Variants in SFRP5 observed in about 807,000 individuals in gnomAD.
SFRP5 encodes secreted frizzled-related protein 5.
SFRP5 carries 22 observed loss-of-function variants against 27.0 expected under a neutral mutation model. The ratio of observed to expected loss-of-function variants is 0.82; its 90% CI spans 0.58 to 1.17. SFRP5 has a LOEUF of 1.17. Among genes scored for constraint, SFRP5 ranks in the 50% most tolerant of loss-of-function variants. SFRP5 has a pLI of 0.00. For synonymous variants in SFRP5, 171 were observed against 195.0 expected, an observed-to-expected ratio of 0.88 and a Z score of 1.03; for missense variants, 406 against 436.6, an observed-to-expected ratio of 0.93 and a Z score of 0.63.
At position 97,771,807 on chromosome 10, in the gene SFRP5, GC is replaced by G. The variant is rs757917063; in HGVS notation, c.26del (p.Gly9AlafsTer77). On this transcript the variant is annotated frameshift_variant, in exon 1 of 3. Coordinates refer to ENST00000266066, the MANE Select transcript of SFRP5 (RefSeq NM_003015.3). LOFTEE classifies it high-confidence loss of function. This position sits in a 1 kb window ranked among gnomAD's most constrained non-coding sequence, Gnocchi z 5.2. MRAAAAGG[G>X]VRTAALALLL... Reference sequence around the variant, plus strand: ...GCAGCGCCAGCGCGGCCGTCCGCACGCCCCCCCCCGCCGCCGCCGCCCGCAT... The same window carrying G: ...GCAGCGCCAGCGCGGCCGTCCGCACGCCCCCCCCGCCGCCGCCGCCCGCAT... 89 of 1,160,484 alleles carry G rather than the reference GC, an allele frequency of 7.7e-5. No homozygotes were observed. The highest frequency in any genetic ancestry group is 4.6e-4 in the Admixed American group (10 of 21,782). 71.9% of individuals were successfully genotyped at this position (1,160,484 alleles called of 1,614,324 possible). A position where few individuals can be genotyped will look rare whatever the true frequency, so the allele number is the denominator to read the frequency against.
chr10:97,767,922 G>A (rs1278131756), intron 2 of SFRP5, 62 bp from the exon 3 acceptor site: 1 of 1,292,286 alleles, frequency 7.7e-7, no homozygotes, highest in Non-Finnish European at 1.1e-6. Flanking sequence ...ATGCTGGTGG[G>A]CACAGAGTTG....
rs771411924 is a variant in SFRP5, at chr10:97,767,659, C to T, written c.809G>A (p.Arg270His). The part of the protein sequence containing the change: ...SLAGSFLVMG[R>H]KVDGQLLLMA... ...GAGCAGCAGCTGTCCATCCACTTTG[C>T]GGCCCATGACCAGGAAGCTGCCCGC... Residue 270 changes from arginine (R) to histidine (H), a missense_variant, in exon 3 of 3, where the codon CGC becomes CAC. Arg to His is a conservative substitution (Grantham distance 29). Coordinates refer to ENST00000266066, the MANE Select transcript of SFRP5 (RefSeq NM_003015.3). 9.9e-6 allele frequency: 16 copies of T among 1,613,988 alleles called. No homozygotes were observed. The highest frequency in any genetic ancestry group is 5.5e-5 in the South Asian group (5 of 91,084).
Position 97,771,693 on chromosome 10 carries a change from G to A in SFRP5, c.141C>T (p.Tyr47=). 1 of 1,599,362 alleles carries A rather than the reference G, an allele frequency of 6.3e-7. No homozygotes were observed. The highest frequency in any genetic ancestry group is 2.2e-5 in the East Asian group (1 of 44,840). ...WQAEPLHGRS[Y]SKPPQCLDIP... is the part of the protein sequence containing the mutation. ...TGTCAAGGCACTGCGGCGGCTTGGA[G>A]TAGGAGCGGCCGTGCAGCGGCTCGG... The change falls in exon 1 of 3, where the codon TAC becomes TAT. Residue 47 remains tyrosine, a synonymous_variant. Transcript: ENST00000266066. The surrounding 1 kb of genome is among the most constrained non-coding windows in gnomAD (Gnocchi z 5.2).
In SFRP5 at chr10:97,771,392, C is replaced by A. The variant is rs758309026; in HGVS notation, c.442G>T (p.Glu148Ter). The change falls in exon 1 of 3, where the codon GAG becomes TAG. Residue 148 changes from glutamate to a stop codon, truncating the protein, a stop_gained. Transcript: ENST00000266066. LOFTEE classifies it high-confidence loss of function. This position sits in a 1 kb window ranked among gnomAD's most constrained non-coding sequence, Gnocchi z 5.2. ...GGGAACTTGTGGCAGTGCAGCATCT[C>A]AGGCCAGGGGAAGCCGTAGGCCTCC... Reference protein sequence around the residue: ...LMEAYGFPWPEMLHCHKFPLD... With the variant: ...LMEAYGFPWP 4 of 1,612,756 alleles carry A rather than the reference C, an allele frequency of 2.5e-6. No individual in the cohort carries two copies. In the South Asian group the frequency reaches 4.4e-5, roughly 18 times the overall value.
In SFRP5 at chr10:97,767,823, A is replaced by G; in HGVS notation, c.645T>C (p.Asn215=). 1 of 1,535,274 alleles carries G rather than the reference A, an allele frequency of 6.5e-7. No homozygotes were observed. The highest frequency in any genetic ancestry group is 8.7e-7 in the Non-Finnish European group (1 of 1,145,654). Residue 215 remains asparagine, a synonymous_variant, in exon 3 of 3, where the codon AAT becomes AAC. Coordinates refer to ENST00000266066, the MANE Select transcript of SFRP5 (RefSeq NM_003015.3). ...GGGCTCCAATCAGCTTCCGGTCCCCATTCTCTATCTTGATCTCCTTGATGC... is the reference window on the plus strand; with the variant it reads ...GGGCTCCAATCAGCTTCCGGTCCCCGTTCTCTATCTTGATCTCCTTGATGC... The part of the protein sequence containing the change: ...KMRIKEIKIE[N]GDRKLIGAQK...
In SFRP5 at chr10:97,767,441, G is replaced by A. The variant is rs943875194; in HGVS notation, c.*73C>T. ...CGTGAAAACACCCTCCAGTAGGGCCGGGTCAGCCTGGAAGTTGGGGCGGGG... is the reference window on the plus strand; with the variant it reads ...CGTGAAAACACCCTCCAGTAGGGCCAGGTCAGCCTGGAAGTTGGGGCGGGG... On this transcript the variant is annotated 3_prime_UTR_variant, in exon 3 of 3. Transcript: ENST00000266066. 3.3e-5 allele frequency: 39 copies of A among 1,199,532 alleles called. No homozygotes were observed. Among genetic ancestry groups the A allele is most frequent in the Admixed American group, 9.0e-5 (4 of 44,420 alleles). The allele number at this position is 1,199,532 out of a possible 1,614,324, so 74.3% of individuals were successfully genotyped here. A position where few individuals can be genotyped will look rare whatever the true frequency, so the allele number is the denominator to read the frequency against.
In SFRP5 at chr10:97,767,525, C is replaced by G. The variant is rs748487883; in HGVS notation, c.943G>C (p.Glu315Gln). 6.2e-7 allele frequency: 1 copy of G among 1,605,106 alleles called. No individual in the cohort carries two copies. Among genetic ancestry groups the G allele is most frequent in the Non-Finnish European group, 8.5e-7 (1 of 1,175,090 alleles). The stretch of plus-strand genomic sequence containing the variant: ...AGGAGGAGTGCCCTTCAGTGGGGCT[C>G]TGCCGCCCCGTAGAAGAAAGGGTAG... ...LYYPFFYGAA[E>Q]PH The change falls in exon 3 of 3, where the codon GAG becomes CAG. Residue 315 changes from glutamate (E) to glutamine (Q), a missense_variant. Transcript: ENST00000266066.
rs1434465193 is a variant in SFRP5 at position 97,771,706 on chromosome 10, T to A, written c.128A>T (p.His43Leu). Residue 43 changes from histidine to leucine, a missense_variant, in exon 1 of 3, where the codon CAC becomes CTC. Transcript: ENST00000266066. The surrounding 1 kb of genome is among the most constrained non-coding windows in gnomAD (Gnocchi z 5.2). ...CGGCGGCTTGGAGTAGGAGCGGCCG[T>A]GCAGCGGCTCGGCCTGCCAGCCATA... ...DYYGWQAEPL[H>L]GRSYSKPPQC... The A allele has an allele frequency of 6.3e-7, 1 of 1,597,654 alleles. No homozygotes were observed. The highest frequency in any genetic ancestry group is 8.5e-7 in the Non-Finnish European group (1 of 1,179,340).
At position 97,771,933 on chromosome 10, in the gene SFRP5, G is replaced by T; in HGVS notation, c.-100C>A. Reference sequence around the variant, plus strand: ...GCGCCCCCGGCCCTGACTCTACCCAGCCGCCGCCGCCGCCGCCGCGGAGGT... The same window carrying T: ...GCGCCCCCGGCCCTGACTCTACCCATCCGCCGCCGCCGCCGCCGCGGAGGT... On this transcript the variant is annotated 5_prime_UTR_variant, in exon 1 of 3. In the 5' UTR this introduces an upstream ATG that the reference lacks. Coordinates refer to ENST00000266066, the MANE Select transcript of SFRP5 (RefSeq NM_003015.3). The surrounding 1 kb of genome is among the most constrained non-coding windows in gnomAD (Gnocchi z 5.2). The T allele has an allele frequency of 1.6e-6, 1 of 628,532 alleles. No individual in the cohort carries two copies. The highest frequency in any genetic ancestry group is 1.9e-6 in the Non-Finnish European group (1 of 536,526). The allele number at this position is 628,532 out of a possible 1,614,324, so 38.9% of individuals were successfully genotyped here.
intron 1 of SFRP5, among the ~76,000 whole-genome samples, chr10:97,770,378 T>C (rs1194819086): frequency 2.0e-5 from 3 of 152,132 alleles, no homozygotes; most frequent in Non-Finnish European, 4.4e-5. Flanking sequence ...CCCTTACTCC[T>C]ATTTTGGAGA....
rs1204822426 is a variant in SFRP5, at chr10:97,771,213, G to T, written c.529+92C>A. The T allele has an allele frequency of 9.7e-6, 7 of 719,584 alleles. No individual in the cohort carries two copies. Among genetic ancestry groups the T allele is most frequent in the South Asian group, 7.7e-5 (4 of 52,064 alleles). The allele number at this position is 719,584 out of a possible 1,614,324, so 44.6% of individuals were successfully genotyped here. The stretch of plus-strand genomic sequence containing the variant: ...GTGTGTGTGTGTGTGTGGGCGGAGG[G>T]GGGGAGCTGCACCTCTTGGGGGGTT... On this transcript the variant is annotated intron_variant, in intron 1 of 2. Transcript: ENST00000266066. The surrounding 1 kb of genome is among the most constrained non-coding windows in gnomAD (Gnocchi z 5.2).
intron 2 of SFRP5, among the ~76,000 whole-genome samples, chr10:97,768,750 C>T (rs560666604): frequency 4.6e-5 from 7 of 151,990 alleles, no homozygotes; most frequent in Non-Finnish European, 8.8e-5. Flanking sequence ...CTACAGTGGA[C>T]GTAGAGAGCC....
intron 2 of SFRP5, among the ~76,000 whole-genome samples, chr10:97,769,340 C>G (rs1304887212): frequency 2.0e-5 from 3 of 152,200 alleles, no homozygotes; most frequent in Non-Finnish European, 4.4e-5. Flanking sequence ...CTGGGCTAAG[C>G]CTGCACTATC....
At chr10:97,767,912 A>C in intron 2 of SFRP5, 52 bp from the exon 3 acceptor site, 1 of 1,362,764 alleles carries the variant, frequency 7.3e-7, no homozygotes, top group Non-Finnish European at 1.0e-6. Flanking sequence ...TCTGTGTGGG[A>C]TGCTGGTGGG....
intron 2 of SFRP5, among the ~76,000 whole-genome samples, chr10:97,768,451 T>G (rs568607652): frequency 3.3e-5 from 5 of 152,236 alleles, no homozygotes; most frequent in African/African-American, 9.6e-5. Flanking sequence ...CTGCTTTGCA[T>G]TCATTGACAT....
At position 97,767,693 on chromosome 10, in the gene SFRP5, C is replaced by T; in HGVS notation, c.775G>A (p.Asp259Asn). ...NGAGCPCPQL[D>N]SLAGSFLVMG... Reference sequence around the variant, plus strand: ...ACCAGGAAGCTGCCCGCCAGGCTGTCCAGCTGTGGGCAGGGGCAGCCCGCG... The same window carrying T: ...ACCAGGAAGCTGCCCGCCAGGCTGTTCAGCTGTGGGCAGGGGCAGCCCGCG... The change falls in exon 3 of 3, where the codon GAC becomes AAC. Residue 259 changes from aspartate (D) to asparagine (N), a missense_variant. By Grantham distance (23) the Asp-to-Asn change is conservative. Transcript: ENST00000266066. The T allele has an allele frequency of 1.2e-6, 2 of 1,614,104 alleles. No individual in the cohort carries two copies. The highest frequency in any genetic ancestry group is 1.7e-6 in the Non-Finnish European group (2 of 1,180,020).
rs1482295043 is a variant in SFRP5 at position 97,771,214 on chromosome 10, G to T, written c.529+91C>A. The T allele has an allele frequency of 5.5e-6, 4 of 722,954 alleles. No individual in the cohort carries two copies. Among genetic ancestry groups the T allele is most frequent in the South Asian group, 1.9e-5 (1 of 52,102 alleles). The allele number at this position is 722,954 out of a possible 1,614,324, so 44.8% of individuals were successfully genotyped here. A position where few individuals can be genotyped will look rare whatever the true frequency, so the allele number is the denominator to read the frequency against. ...TGTGTGTGTGTGTGTGGGCGGAGGG[G>T]GGGAGCTGCACCTCTTGGGGGGTTC... On this transcript the variant is annotated intron_variant, in intron 1 of 2. Coordinates refer to ENST00000266066, the MANE Select transcript of SFRP5 (RefSeq NM_003015.3). This position sits in a 1 kb window ranked among gnomAD's most constrained non-coding sequence, Gnocchi z 5.2.
chr10:97,771,711 C>T lies in SFRP5; in HGVS notation c.123G>A (p.Pro41=), dbSNP rs752479472. ...EYDYYGWQAE[P]LHGRSYSKPP... is the part of the protein sequence containing the mutation. ...GCTTGGAGTAGGAGCGGCCGTGCAG[C>T]GGCTCGGCCTGCCAGCCATAGTAGT... The change falls in exon 1 of 3, where the codon CCG becomes CCA. Residue 41 remains proline, a synonymous_variant. Coordinates refer to ENST00000266066, the MANE Select transcript of SFRP5 (RefSeq NM_003015.3). This position sits in a 1 kb window ranked among gnomAD's most constrained non-coding sequence, Gnocchi z 5.2. 4.4e-6 allele frequency: 7 copies of T among 1,596,854 alleles called. No homozygotes were observed. In the South Asian group the frequency reaches 7.7e-5, roughly 18 times the overall value.
At chr10:97,770,776 C>T (rs921033200) in intron 1 of SFRP5, among the ~76,000 whole-genome samples, 9 of 152,014 alleles carry the variant, frequency 5.9e-5, no homozygotes, top group African/African-American at 9.7e-5. Flanking sequence ...GTACAGAAAA[C>T]GGGGACGCAG....
Sources: allele counts gnomAD v4.1 joint callset (sites outside exome capture counted in the v4.1 genomes callset), GRCh38; gene constraint gnomAD v4.1.1; non-coding constraint Gnocchi (gnomAD v3.1); transcripts MANE v1.5; gene names NCBI Gene and HGNC (gene_info 2026-07-23, HGNC 2026-07-21).